DIABLO: variants seen among roughly 807,000 people sequenced by gnomAD.
DIABLO encodes the protein diablo homolog, mitochondrial.
DIABLO carries 32 observed loss-of-function variants against 31.7 expected under a neutral mutation model. That is an observed-to-expected ratio of 1.01 (90% CI 0.76 to 1.35). The LOEUF (loss-of-function observed/expected upper bound fraction) is 1.35, where lower values mean the gene tolerates loss of function less well. DIABLO is among the 40% of genes most tolerant of loss of function. The pLI, the probability that DIABLO is intolerant of heterozygous loss-of-function variation, is 0.00. For synonymous variants in DIABLO, 132 were observed against 103.2 expected, an observed-to-expected ratio of 1.28 and a Z score of -1.69; for missense variants, 316 against 286.4, an observed-to-expected ratio of 1.10 and a Z score of -0.75.
chr12:122,209,399 C>T (rs1042189092), intron 5 of DIABLO, among the ~76,000 whole-genome samples: 95 of 151,554 alleles, frequency 6.3e-4, no homozygotes, highest in African/African-American at 2.1e-3. Context: ...TGCAGTGGCT[C>T]GTGCCTGTAA....
intron 5 of DIABLO, among the ~76,000 whole-genome samples, chr12:122,209,531 A>G (rs1365738871): frequency 1.3e-5 from 2 of 151,984 alleles, no homozygotes; most frequent in East Asian, 3.9e-4. Context: ...TGGGTGTGGC[A>G]GAGTGCACCT....
upstream of DIABLO, chr12:122,226,264 A>T (rs764780530): frequency 5.7e-6 from 4 of 700,306 alleles, no homozygotes; most frequent in African/African-American, 7.1e-5. Flanking sequence ...GAGGGCGCGG[A>T]GGTGGGTCCG....
intron 5 of DIABLO, chr12:122,209,665 C>G (rs759270805): frequency 1.3e-5 from 9 of 683,052 alleles, no homozygotes; most frequent in Admixed American, 4.2e-5. Flanking sequence ...TCGTCTCCCC[C>G]CCAAAAAAAA....
In DIABLO at chr12:122,207,910, T is replaced by C. The variant is rs933819271; in HGVS notation, c.*471A>G. On this transcript the variant is annotated 3_prime_UTR_variant, in exon 6 of 6. Coordinates refer to ENST00000464942, the MANE Select transcript of DIABLO (RefSeq NM_001371333.1). ...CAGTGGGGGCAGATCAGAGAACACATCAGAAATACATACAAAGAAATCGTA... is the reference window on the plus strand; with the variant it reads ...CAGTGGGGGCAGATCAGAGAACACACCAGAAATACATACAAAGAAATCGTA... 1.7e-5 allele frequency: 8 copies of C among 460,204 alleles called. No individual in the cohort carries two copies. The Admixed American group carries it at 1.9e-4, about 11-fold the overall frequency. The allele number at this position is 460,204 out of a possible 1,614,324, so 28.5% of individuals were successfully genotyped here. A position where few individuals can be genotyped will look rare whatever the true frequency, so the allele number is the denominator to read the frequency against.
At chr12:122,225,164 G>C (rs1444544752) in intron 1 of DIABLO, 1 of 282,984 alleles carries the variant, frequency 3.5e-6, no homozygotes, top group South Asian at 3.5e-5. Context: ...AGTGAGCCGA[G>C]AGCGCCCCAC....
intron 5 of DIABLO, among the ~76,000 whole-genome samples, chr12:122,214,898 C>T (rs1229118049): frequency 2.6e-5 from 4 of 152,040 alleles, no homozygotes; most frequent in Non-Finnish European, 4.4e-5. Flanking sequence ...ACCACGGTGG[C>T]CAGGGTAGTG....
chr12:122,213,003 C>T (rs1486439525), intron 5 of DIABLO, among the ~76,000 whole-genome samples: 2 of 151,932 alleles, frequency 1.3e-5, no homozygotes, highest in Non-Finnish European at 1.5e-5. Context: ...TCACTGCAGC[C>T]TCGACCTCCA....
intron 5 of DIABLO, among the ~76,000 whole-genome samples, chr12:122,214,192 T>C (rs1168449163): frequency 6.6e-6 from 1 of 152,206 alleles, no homozygotes; most frequent in Non-Finnish European, 1.5e-5. Flanking sequence ...AAATGTTTTA[T>C]ATCTTTTCTT....
chr12:122,210,615 G>A (rs866289791), intron 5 of DIABLO, among the ~76,000 whole-genome samples: 1 of 149,864 alleles, frequency 6.7e-6, no homozygotes, highest in Non-Finnish European at 1.5e-5. Context: ...TCCTGACCTC[G>A]TGATCCACCC....
rs1251827526 is a variant in DIABLO at position 122,208,244 on chromosome 12, G to C, written c.*137C>G. ...ACAGGAGGCACTCACAGCTCACAAA[G>C]GCGTCTCGCCTGATTGGCCAGGGCA... On this transcript the variant is annotated 3_prime_UTR_variant, in exon 6 of 6. Coordinates refer to ENST00000464942, the MANE Select transcript of DIABLO (RefSeq NM_001371333.1). 9.9e-7 allele frequency: 1 copy of C among 1,007,470 alleles called. No individual in the cohort carries two copies. The highest frequency in any genetic ancestry group is 1.3e-5 in the South Asian group (1 of 74,450). The allele number at this position is 1,007,470 out of a possible 1,614,324, so 62.4% of individuals were successfully genotyped here.
intron 2 of DIABLO, 181 bp from the exon 3 acceptor site, chr12:122,218,578 A>G: frequency 1.5e-6 from 1 of 687,468 alleles, no homozygotes; most frequent in Non-Finnish European, 2.4e-6. Flanking sequence ...ATATAGAGAA[A>G]TAATTCCGGA....
intron 3 of DIABLO, 190 bp from the exon 4 acceptor site, chr12:122,217,059 C>A: frequency 1.8e-6 from 1 of 557,754 alleles, no homozygotes. Context: ...CATCTGTAAA[C>A]TTCTGTGTTT....
chr12:122,213,435 C>T (rs1428725369), intron 5 of DIABLO, among the ~76,000 whole-genome samples: 1 of 147,950 alleles, frequency 6.8e-6, no homozygotes, highest in Non-Finnish European at 1.5e-5. Context: ...GAGGCTAAGG[C>T]TGTAGTAAGC....
In DIABLO at chr12:122,218,322, T is replaced by G. The variant is rs761129000; in HGVS notation, c.259A>C (p.Thr87Pro). Reference protein sequence around the residue: ...AVSLVTDSTSTFLSQTTYALI... With the variant: ...AVSLVTDSTSPFLSQTTYALI... ...GCATATGTGGTCTGAGAGAGAAAGG[T>G]AGAGGTGCTATCTGTTACCAAAGAC... The change falls in exon 3 of 6, where the codon ACC becomes CCC. Residue 87 changes from threonine to proline, a missense_variant. Physicochemically the swap from Thr to Pro is conservative, Grantham distance 38. Coordinates refer to ENST00000464942, the MANE Select transcript of DIABLO (RefSeq NM_001371333.1). 4 of 1,614,140 alleles carry G rather than the reference T, an allele frequency of 2.5e-6. No homozygotes were observed. Among genetic ancestry groups the G allele is most frequent in the South Asian group, 1.1e-5 (1 of 91,082 alleles).
intron 1 of DIABLO, chr12:122,225,103 C>T: frequency 3.0e-6 from 1 of 328,938 alleles, no homozygotes; most frequent in Middle Eastern, 1.1e-3. Flanking sequence ...ATCCCAGCTA[C>T]TCGGGAGGCT....
At chr12:122,213,416 T>C (rs1463444985) in intron 5 of DIABLO, among the ~76,000 whole-genome samples, 1 of 150,852 alleles carries the variant, frequency 6.6e-6, no homozygotes, top group Non-Finnish European at 1.5e-5. Flanking sequence ...GTAGGATCGC[T>C]TGAGCCCAGA....
intron 2 of DIABLO, chr12:122,220,671 A>G (rs1370442219): frequency 6.6e-6 from 1 of 151,954 alleles, no homozygotes; most frequent in African/African-American, 2.4e-5. Flanking sequence ...AAACAAAACA[A>G]AACAAAAACA....
At chr12:122,224,323 C>T (rs1954398248) in intron 2 of DIABLO, among the ~76,000 whole-genome samples, 189 bp downstream of exon 2, 1 of 151,912 alleles carries the variant, frequency 6.6e-6, no homozygotes, top group Non-Finnish European at 1.5e-5. Context: ...ATGTGCTGTT[C>T]CTACCAAATG....
At chr12:122,214,895 T>G (rs79469269) in intron 5 of DIABLO, among the ~76,000 whole-genome samples, 11,314 of 152,144 alleles carry the variant, frequency 0.074, 1,068 homozygotes, top group African/African-American at 0.22. Context: ...TTCACCACGG[T>G]GGCCAGGGTA....
Sources: gnomAD v4.1 joint callset for allele counts (sites outside exome capture counted in the v4.1 genomes callset) on GRCh38, gnomAD v4.1.1 for gene constraint, MANE v1.5 for transcripts, NCBI Gene and HGNC (gene_info 2026-07-23, HGNC 2026-07-21) for gene names.